VNN1: variants seen among roughly 807,000 people sequenced by gnomAD.
VNN1 encodes the protein pantetheinase.
Under a neutral mutation model 41.9 loss-of-function variants are expected in VNN1, and 29 were observed. The observed-to-expected ratio is 0.69, with a 90% confidence interval of 0.52 to 0.94. VNN1 has a LOEUF of 0.94. Ranked by LOEUF, VNN1 falls within the 40% of genes least tolerant of loss-of-function variation. VNN1 has a pLI of 0.00. For synonymous variants in VNN1, 233 were observed against 224.4 expected, an observed-to-expected ratio of 1.04 and a Z score of -0.34; for missense variants, 637 against 621.1, an observed-to-expected ratio of 1.03 and a Z score of -0.27.
chr6:132,690,640 G>A (rs965535843), intron 5 of VNN1, among the ~76,000 whole-genome samples: 2 of 152,168 alleles, frequency 1.3e-5, no homozygotes, highest in African/African-American at 4.8e-5. Flanking sequence ...TCTTCAAGAG[G>A]AGGATCTATG....
rs1457512179 is a variant in VNN1 at position 132,713,921 on chromosome 6, C to A, written c.115G>T (p.Ala39Ser). 2.0e-5 allele frequency: 32 copies of A among 1,613,984 alleles called. No homozygotes were observed. The highest frequency in any genetic ancestry group is 2.6e-5 in the Non-Finnish European group (31 of 1,180,030). Residue 39 changes from alanine to serine, a missense_variant, in exon 1 of 7, where the codon GCC (alanine) becomes TCC (serine). Physicochemically the swap from Ala to Ser is moderately conservative, Grantham distance 99 (BLOSUM62 1). Coordinates refer to ENST00000367928, the MANE Select transcript of VNN1 (RefSeq NM_004666.3). Reference sequence around the variant, plus strand: ...TCACGAGACACTGGTGTTAGGGTGGCATTGGGCAATATCGCTGCATGCTCA... The same window carrying A: ...TCACGAGACACTGGTGTTAGGGTGGAATTGGGCAATATCGCTGCATGCTCA... ...VYEHAAILPN[A>S]TLTPVSREEA...
At chr6:132,709,460 C>T (rs1262474781) in intron 2 of VNN1, among the ~76,000 whole-genome samples, 1 of 152,038 alleles carries the variant, frequency 6.6e-6, no homozygotes, top group Non-Finnish European at 1.5e-5. Context: ...CACTTGAGGC[C>T]AGGAGTTCAA....
At position 132,693,040 on chromosome 6, in the gene VNN1, G is replaced by A. The variant is rs1390231683; in HGVS notation, c.810C>T (p.Pro270=). Residue 270 remains proline (P), a synonymous_variant, in exon 4 of 7, where the codon CCC becomes CCT. Transcript: ENST00000367928. ...ACACATTACCTGTCATTTTCTTTGA[G>A]GGGTAATGTATGTTGGATGCAAGGA... ...VNFLASNIHY[P]SKKMTGSGIY... 6.2e-7 allele frequency: 1 copy of A among 1,606,628 alleles called. No homozygotes were observed. Among genetic ancestry groups the A allele is most frequent in the African/African-American group, 1.3e-5 (1 of 74,682 alleles).
intron 2 of VNN1, among the ~76,000 whole-genome samples, chr6:132,709,394 G>A (rs2114374460): frequency 6.6e-6 from 1 of 152,248 alleles, no homozygotes; most frequent in South Asian, 2.1e-4. Context: ...TAAGGCAGCT[G>A]GGCGTGATGA....
rs1485154752 is a variant in VNN1, at chr6:132,682,398, A to T, written c.*742T>A. 1 of 152,600 alleles carries T rather than the reference A, an allele frequency of 6.6e-6. No homozygotes were observed. The highest frequency in any genetic ancestry group is 1.5e-5 in the Non-Finnish European group (1 of 68,458). 9.5% of individuals were successfully genotyped at this position (152,600 alleles called of 1,614,324 possible). On this transcript the variant is annotated 3_prime_UTR_variant, in exon 7 of 7. Coordinates refer to ENST00000367928, the MANE Select transcript of VNN1 (RefSeq NM_004666.3). Reference sequence around the variant, plus strand: ...TGGGTGACTTAAACAATAGAAATTTATTTCTCATAGTTTTGGAGGCTGGAA... The same window carrying T: ...TGGGTGACTTAAACAATAGAAATTTTTTTCTCATAGTTTTGGAGGCTGGAA...
chr6:132,713,992 T>C lies in VNN1; in HGVS notation c.44A>G (p.Tyr15Cys), dbSNP rs1271993857. ...GTCCTGGCAGCTGGCTCTTGAGACA[T>C]AGAAAAGCAAAATTGCCACGTAAGC... ...LPAYVAILLF[Y>C]VSRASCQDTF... The change falls in exon 1 of 7, where the codon TAT becomes TGT. Residue 15 changes from tyrosine (Y) to cysteine (C), a missense_variant. By Grantham distance (194) the Tyr-to-Cys change is radical (BLOSUM62 -2). Coordinates refer to ENST00000367928, the MANE Select transcript of VNN1 (RefSeq NM_004666.3). The C allele has an allele frequency of 3.7e-6, 6 of 1,614,026 alleles. No individual in the cohort carries two copies. The highest frequency in any genetic ancestry group is 3.4e-6 in the Non-Finnish European group (4 of 1,179,976).
chr6:132,692,011 A>T (rs964643463), intron 5 of VNN1, among the ~76,000 whole-genome samples: 1 of 152,150 alleles, frequency 6.6e-6, no homozygotes, highest in East Asian at 1.9e-4. Flanking sequence ...CTCAAAAAAA[A>T]AAAAAAAAGA....
intron 2 of VNN1, 112 bp downstream of exon 2, chr6:132,711,597 A>C: frequency 7.9e-7 from 1 of 1,266,222 alleles, no homozygotes. Context: ...AAAATAAGCT[A>C]TACTGAAACT....
intron 2 of VNN1, among the ~76,000 whole-genome samples, chr6:132,697,452 T>C (rs1393503399): frequency 6.6e-6 from 1 of 152,196 alleles, no homozygotes; most frequent in Non-Finnish European, 1.5e-5. Context: ...GGAGCATTTG[T>C]TAATGCCTGA....
chr6:132,687,457 G>A (rs933067434), intron 5 of VNN1, among the ~76,000 whole-genome samples: 2 of 152,168 alleles, frequency 1.3e-5, no homozygotes, highest in Non-Finnish European at 1.5e-5. Context: ...AAGTGGTAAA[G>A]AAAAATCTTC....
intron 1 of VNN1, among the ~76,000 whole-genome samples, chr6:132,712,439 C>T (rs952196437): frequency 1.3e-5 from 2 of 152,078 alleles, no homozygotes; most frequent in African/African-American, 4.8e-5. Flanking sequence ...CATGAGCCAC[C>T]GCACCTGGCT....
At chr6:132,702,676 C>G (rs1562219341) in intron 2 of VNN1, among the ~76,000 whole-genome samples, 2 of 152,208 alleles carry the variant, frequency 1.3e-5, no homozygotes, top group South Asian at 2.1e-4. Context: ...TGGATAACAG[C>G]TCAACCACAG....
chr6:132,698,964 C>G (rs554653326), intron 2 of VNN1: 37 of 186,366 alleles, frequency 2.0e-4, no homozygotes, highest in Non-Finnish European at 4.2e-4. Context: ...AGATGTTAGT[C>G]TAATTCAGTT....
At chr6:132,696,101 G>GA (rs1778368069) in intron 2 of VNN1, among the ~76,000 whole-genome samples, 1 of 152,022 alleles carries the variant, frequency 6.6e-6, no homozygotes, top group Non-Finnish European at 1.5e-5. Flanking sequence ...AAGATGTGGA[G>GA]AAAATCAAAA....
chr6:132,687,218 G>A (rs1378602412), intron 5 of VNN1, among the ~76,000 whole-genome samples: 2 of 152,222 alleles, frequency 1.3e-5, no homozygotes, highest in Non-Finnish European at 2.9e-5. Context: ...CGTAAGATGG[G>A]AGGATATAAA....
chr6:132,693,056 G>GA lies in VNN1; in HGVS notation c.793dup (p.Ser265PhefsTer27), dbSNP rs776466833. 6.2e-7 allele frequency: 1 copy of GA among 1,613,180 alleles called. No individual in the cohort carries two copies. On this transcript the variant is annotated frameshift_variant, in exon 4 of 7. Transcript: ENST00000367928. LOFTEE classifies it high-confidence loss of function. ...TTTCTTTGAGGGGTAATGTATGTTG[G>GA]ATGCAAGGAAATTGACCCTCATGCC...
At chr6:132,711,255 CTT>C (rs1298495322) in intron 2 of VNN1, among the ~76,000 whole-genome samples, 1 of 152,184 alleles carries the variant, frequency 6.6e-6, no homozygotes, top group Non-Finnish European at 1.5e-5. Flanking sequence ...CGAGACCTGA[CTT>C]AAACCACTTA....
At chr6:132,693,863 A>G (rs1387563422) in intron 3 of VNN1, 127 bp downstream of exon 3, 2 of 1,097,678 alleles carry the variant, frequency 1.8e-6, no homozygotes, top group African/African-American at 1.6e-5. Flanking sequence ...CTTTATCATT[A>G]CTTTCTATGC....
intron 2 of VNN1, among the ~76,000 whole-genome samples, chr6:132,702,824 C>T (rs933879111): frequency 2.6e-5 from 4 of 152,206 alleles, no homozygotes; most frequent in African/African-American, 4.8e-5. Context: ...AGAATCATCA[C>T]CTGCTAACTA....
Sources: gnomAD v4.1 joint callset for allele counts (sites outside exome capture counted in the v4.1 genomes callset) on GRCh38, gnomAD v4.1.1 for gene constraint, MANE v1.5 for transcripts, NCBI Gene and HGNC (gene_info 2026-07-23, HGNC 2026-07-21) for gene names.